The following PDE1A variants were observed in gnomAD, a reference collection of about 807,000 sequenced individuals.
PDE1A encodes phosphodiesterase 1A.
Under a neutral mutation model 61.7 loss-of-function variants are expected in PDE1A, and 35 were observed. The observed-to-expected ratio is 0.57, with a 90% CI of 0.43 to 0.75. The LOEUF (loss-of-function observed/expected upper bound fraction) is 0.75, where lower values mean the gene tolerates loss of function less well. Ranked by LOEUF, PDE1A falls within the 30% of genes least tolerant of loss-of-function variation. The pLI, the probability that PDE1A is intolerant of heterozygous loss-of-function variation, is 0.00. For synonymous variants in PDE1A, 232 were observed against 213.2 expected (o/e 1.09, Z -0.77); for missense variants, 597 against 630.6 (o/e 0.95, Z 0.57).
intron 2 of PDE1A, among the ~76,000 whole-genome samples, chr2:182,456,242 G>GC (rs1417598065): frequency 6.6e-6 from 1 of 151,912 alleles, no homozygotes; most frequent in Admixed American, 6.6e-5. Flanking sequence ...CAAACAATCG[G>GC]CCCCCCTTCC....
chr2:182,426,824 T>C lies in PDE1A; in HGVS notation c.-194A>G, dbSNP rs961553363. The C allele has an allele frequency of 7.1e-7, 1 of 1,403,896 alleles. No homozygotes were observed. The highest frequency in any genetic ancestry group is 1.5e-5 in the African/African-American group (1 of 68,952). 87.0% of individuals were successfully genotyped at this position (1,403,896 alleles called of 1,614,324 possible). ...GAGCAGTGTGTCCATAGAGGCCACA[T>C]AAGACAGGCACGTTGGGGCACTCCC... On this transcript the variant is annotated 5_prime_UTR_variant, in exon 1 of 14. An upstream start codon of the reference 5' UTR is lost. Coordinates refer to ENST00000351439, the Ensembl canonical transcript of PDE1A.
chr2:182,577,025 C>T, the PDE1A span, among the ~76,000 whole-genome samples: 1 of 152,108 alleles, frequency 6.6e-6, no homozygotes, highest in African/African-American at 2.4e-5. Flanking sequence ...TTTCCAATTC[C>T]ATGAGTTGCT....
chr2:182,419,750 T>G (rs1391226418), intron 1 of PDE1A, among the ~76,000 whole-genome samples: 1 of 151,932 alleles, frequency 6.6e-6, no homozygotes, highest in Non-Finnish European at 1.5e-5. Flanking sequence ...TGTTTTAGTG[T>G]TTTTTAAAAT....
At chr2:182,191,667 T>C (rs1398027890) in intron 10 of PDE1A, among the ~76,000 whole-genome samples, 2 of 150,814 alleles carry the variant, frequency 1.3e-5, no homozygotes, top group Non-Finnish European at 3.0e-5. Flanking sequence ...TATTATAAGA[T>C]TGTATCTATT....
intron 2 of PDE1A, among the ~76,000 whole-genome samples, chr2:182,444,014 C>G (rs1010072515): frequency 6.6e-6 from 1 of 152,016 alleles, no homozygotes. Context: ...AACTTCTTTT[C>G]TTTATAAACT....
the PDE1A span, among the ~76,000 whole-genome samples, chr2:182,542,584 T>G: frequency 6.6e-6 from 1 of 152,356 alleles, no homozygotes; most frequent in East Asian, 1.9e-4. Context: ...AAATTTTTTA[T>G]AAATCTCATT....
chr2:182,563,824 C>T, the PDE1A span, among the ~76,000 whole-genome samples: 1 of 152,142 alleles, frequency 6.6e-6, no homozygotes, highest in Admixed American at 6.5e-5. Context: ...CCTTCTTTGT[C>T]TCTTTTGATC....
intron 1 of PDE1A, among the ~76,000 whole-genome samples, chr2:182,413,782 T>G (rs568012602): frequency 2.0e-5 from 3 of 152,304 alleles, no homozygotes; most frequent in Admixed American, 1.3e-4. Flanking sequence ...TGGGAAATCC[T>G]CTTGTAATCC....
chr2:182,299,412 TA>T (rs1695089221), intron 1 of PDE1A, among the ~76,000 whole-genome samples: 1 of 148,940 alleles, frequency 6.7e-6, no homozygotes, highest in Non-Finnish European at 1.5e-5. Context: ...TACAAGTCCT[TA>T]ATACCGCTTC....
At chr2:182,421,720 A>C (rs965030096) in intron 1 of PDE1A, among the ~76,000 whole-genome samples, 1 of 152,210 alleles carries the variant, frequency 6.6e-6, no homozygotes, top group Admixed American at 6.5e-5. Flanking sequence ...GAAAAATAAC[A>C]AGGCACTGTA....
At chr2:182,644,038 CA>C in the PDE1A span, among the ~76,000 whole-genome samples, 1 of 150,888 alleles carries the variant, frequency 6.6e-6, no homozygotes, top group Non-Finnish European at 1.5e-5. Flanking sequence ...CAGAACACTA[CA>C]GTTTGCCTCA....
intron 1 of PDE1A, among the ~76,000 whole-genome samples, chr2:182,392,840 T>C (rs1701495500): frequency 6.6e-6 from 1 of 152,278 alleles, no homozygotes. Flanking sequence ...CTCACGCTGA[T>C]GCAAGGGGTG....
At chr2:182,274,937 C>T (rs1693300663) in intron 1 of PDE1A, among the ~76,000 whole-genome samples, 1 of 152,024 alleles carries the variant, frequency 6.6e-6, no homozygotes, top group African/African-American at 2.4e-5. Flanking sequence ...GTATAAACTT[C>T]TGAGTTGCTT....
chr2:182,326,484 A>G (rs1182079744), intron 1 of PDE1A, among the ~76,000 whole-genome samples: 1 of 152,228 alleles, frequency 6.6e-6, no homozygotes, highest in East Asian at 1.9e-4. Context: ...TGAACACTGT[A>G]TGATTCTTAG....
chr2:182,269,038 T>A (rs1469021925), intron 1 of PDE1A, among the ~76,000 whole-genome samples: 1 of 152,072 alleles, frequency 6.6e-6, no homozygotes, highest in Non-Finnish European at 1.5e-5. Context: ...GAAGATAAAT[T>A]AGTAGACAAA....
the PDE1A span, among the ~76,000 whole-genome samples, chr2:182,588,770 G>A: frequency 5.9e-5 from 9 of 152,226 alleles, no homozygotes; most frequent in African/African-American, 1.9e-4. Flanking sequence ...TTAGCCGGGC[G>A]CTATGGCTCA....
At chr2:182,658,683 C>G in the PDE1A span, among the ~76,000 whole-genome samples, 1 of 152,168 alleles carries the variant, frequency 6.6e-6, no homozygotes, top group African/African-American at 2.4e-5. Flanking sequence ...GTAGAAGCAG[C>G]TCAATAAGTG....
rs41371048 is a variant in PDE1A, at chr2:182,416,937, G to A, written c.53+9641C>T. On this transcript the variant is annotated intron_variant, in intron 1 of 13. Transcript: ENST00000351439. The stretch of plus-strand genomic sequence containing the variant: ...GTTCAGAGTATCTCAGGGGAATGGT[G>A]ACCTACGACCAAACAGTATTTTGGA... 3.2e-3 allele frequency among the ~76,000 whole-genome samples: 491 copies of A among 152,272 alleles called. 3 individuals carry two copies. The highest frequency in any genetic ancestry group is 0.011 in the African/African-American group (473 of 41,560).
At chr2:182,309,185 G>A (rs1441786147) in intron 1 of PDE1A, among the ~76,000 whole-genome samples, 1 of 151,966 alleles carries the variant, frequency 6.6e-6, no homozygotes, top group Non-Finnish European at 1.5e-5. Flanking sequence ...AATTCTGAAA[G>A]GAGACAAGAC....
Sources: gnomAD v4.1 joint callset for allele counts (sites outside exome capture counted in the v4.1 genomes callset) on GRCh38, gnomAD v4.1.1 for gene constraint, MANE v1.5 for transcripts, NCBI Gene and HGNC (gene_info 2026-07-23, HGNC 2026-07-21) for gene names.